PML: variants seen among roughly 807,000 people sequenced by gnomAD.
PML encodes the protein protein PML.
PML carries 28 observed loss-of-function variants against 65.2 expected under a neutral mutation model. That is an observed-to-expected ratio of 0.43 (90% CI 0.32 to 0.59). The LOEUF (loss-of-function observed/expected upper bound fraction) is 0.59. Among genes scored for constraint, PML ranks in the 20% least tolerant of loss-of-function variants. PML has a pLI of 0.08. For synonymous variants in PML, 500 were observed against 508.8 expected (o/e 0.98, Z 0.23); for missense variants, 1,021 against 1,203.4 (o/e 0.85, Z 2.24).
intron 7 of PML, among the ~76,000 whole-genome samples, chr15:74,039,138 T>C (rs2071641271): frequency 6.6e-6 from 1 of 152,056 alleles, no homozygotes; most frequent in Admixed American, 6.5e-5. Flanking sequence ...GTGGCAGAAG[T>C]GGCAGTGGTG....
chr15:74,025,705 G>A (rs995921768), intron 4 of PML: 8 of 152,266 alleles, frequency 5.3e-5, no homozygotes, highest in Admixed American at 1.3e-4. Context: ...GTGCTTTTCC[G>A]AGTGGAAATG....
At chr15:74,034,743 T>C (rs914049480) in intron 7 of PML, 12 of 1,484,688 alleles carry the variant, frequency 8.1e-6, no homozygotes, top group Non-Finnish European at 1.1e-5. Flanking sequence ...GGCCAGGAGC[T>C]CTTCTGAAAT....
At chr15:74,030,041 G>A (rs2141859027) in intron 4 of PML, among the ~76,000 whole-genome samples, 1 of 152,282 alleles carries the variant, frequency 6.6e-6, no homozygotes, top group South Asian at 2.1e-4. Context: ...CGGGGTTCTG[G>A]TACCTGGCAC....
rs368061525 is a variant in PML at position 74,043,084 on chromosome 15, C to A, written c.1806C>A (p.Asp602Glu). The A allele has an allele frequency of 3.9e-5, 63 of 1,613,414 alleles. No homozygotes were observed. The African/African-American group carries it at 7.0e-4, about 18-fold the overall frequency. ...GGGTCCTGGACGAGAACCTTGCTGA[C>A]CCCCAAGCAGAAGACAGACCTCTGG... ...TLRVLDENLA[D>E]PQAEDRPLVF... Residue 602 changes from aspartate to glutamate, a missense_variant, in exon 8 of 9, where the codon GAC (aspartate) becomes GAA (glutamate). By Grantham distance (45) the Asp-to-Glu change is conservative. Transcript: ENST00000268058. This position sits in a 1 kb window ranked among gnomAD's most constrained non-coding sequence, Gnocchi z 4.3.
chr15:74,023,474 G>A, intron 3 of PML, 66 bp downstream of exon 3: 1 of 1,256,456 alleles, frequency 8.0e-7, no homozygotes, highest in African/African-American at 1.5e-5. Context: ...AGGCGAGTCA[G>A]AAGAGATCAT....
intron 1 of PML, among the ~76,000 whole-genome samples, chr15:73,995,713 T>G (rs12912395): frequency 0.5 from 75,914 of 151,716 alleles, 19,754 homozygotes; most frequent in Non-Finnish European, 0.58. Context: ...TTGGTTTTTT[T>G]TTGTTGTTGT....
Position 74,033,396 on chromosome 15 carries a change from A to G in PML, c.1639A>G (p.Ser547Gly). 1 of 1,612,530 alleles carries G rather than the reference A, an allele frequency of 6.2e-7. No individual in the cohort carries two copies. Among genetic ancestry groups the G allele is most frequent in the South Asian group, 1.1e-5 (1 of 91,056 alleles). ...VFLPNSNHVASGAGEAEERVV... is the reference protein window; with the variant it reads ...VFLPNSNHVAGGAGEAEERVV... ...CCTGCCCAACAGCAACCACGTGGCC[A>G]GTGGCGCCGGGGAGGCAGGTAGGGA... Residue 547 changes from serine (S) to glycine (G), a missense_variant, in exon 6 of 9, where the codon AGT becomes GGT. Coordinates refer to ENST00000268058, the MANE Select transcript of PML (RefSeq NM_033238.3).
chr15:74,035,751 T>G lies in PML; in HGVS notation c.1710+1221T>G. ...CTCCATGGCTTCCCAGCTTGACATG[T>G]CTTCCGTGGTGGGGGCAGGGGAAAG... is the stretch of plus-strand genomic sequence containing the variant. On this transcript the variant is annotated intron_variant, in intron 7 of 8. Coordinates refer to ENST00000268058, the MANE Select transcript of PML (RefSeq NM_033238.3). The surrounding 1 kb of genome is among the most constrained non-coding windows in gnomAD (Gnocchi z 4.1). The G allele has an allele frequency of 6.2e-7, 1 of 1,614,162 alleles. No homozygotes were observed. Among genetic ancestry groups the G allele is most frequent in the Non-Finnish European group, 8.5e-7 (1 of 1,180,016 alleles).
At chr15:74,007,229 C>T (rs1400264628) in intron 2 of PML, among the ~76,000 whole-genome samples, 1 of 152,328 alleles carries the variant, frequency 6.6e-6, no homozygotes, top group Admixed American at 6.5e-5. Context: ...TGTTTTTAGT[C>T]ATGAGAGAAG....
chr15:74,040,272 C>T (rs368731971), intron 7 of PML, among the ~76,000 whole-genome samples: 28 of 152,304 alleles, frequency 1.8e-4, no homozygotes, highest in African/African-American at 5.5e-4. Flanking sequence ...TTTTCTTTGG[C>T]GCCTGGCATC....
chr15:74,025,238 T>G lies in PML; in HGVS notation c.1254+311T>G, dbSNP rs1163212099. On this transcript the variant is annotated intron_variant, in intron 4 of 8. Transcript: ENST00000268058. The stretch of plus-strand genomic sequence containing the variant: ...GCTGCTGCAGAGGGAATTCCAGCAT[T>G]AGATGGCATATTAGTGCCTTCCAGC... 7 of 423,568 alleles carry G rather than the reference T, an allele frequency of 1.7e-5. No homozygotes were observed. In the East Asian group the frequency reaches 2.4e-4, roughly 15 times the overall value. 26.2% of individuals were successfully genotyped at this position (423,568 alleles called of 1,614,324 possible). A position where few individuals can be genotyped will look rare whatever the true frequency, so the allele number is the denominator to read the frequency against.
rs570187329 is a variant in PML, at chr15:74,046,307, T to C, written c.*1299T>C. The C allele has an allele frequency of 8.6e-6, 2 of 233,294 alleles. No homozygotes were observed. Among genetic ancestry groups the C allele is most frequent in the South Asian group, 3.6e-4 (2 of 5,524 alleles). 14.5% of individuals were successfully genotyped at this position (233,294 alleles called of 1,614,324 possible). ...AGAGGCAGGTCAGGGTTGTCCGCTC[T>C]GATTAGCAGAACGACAGCCCCTTCC... On this transcript the variant is annotated 3_prime_UTR_variant, in exon 9 of 9. Coordinates refer to ENST00000268058, the MANE Select transcript of PML (RefSeq NM_033238.3).
rs1256614705 is a variant in PML at position 74,042,238 on chromosome 15, C to CA, written c.1711-747dup. The CA allele has an allele frequency of 2.5e-6, 1 of 402,092 alleles. No homozygotes were observed. Among genetic ancestry groups the CA allele is most frequent in the African/African-American group, 2.2e-5 (1 of 46,144 alleles). The allele number at this position is 402,092 out of a possible 1,614,324, so 24.9% of individuals were successfully genotyped here. The stretch of plus-strand genomic sequence containing the variant: ...GAGAACGCCTCACCTGAAGGACTCC[C>CA]AAAACTCAGGTTTCTCTAAGCTGCT... On this transcript the variant is annotated intron_variant, in intron 7 of 8. Coordinates refer to ENST00000268058, the MANE Select transcript of PML (RefSeq NM_033238.3). This position sits in a 1 kb window ranked among gnomAD's most constrained non-coding sequence, Gnocchi z 5.3.
intron 7 of PML, among the ~76,000 whole-genome samples, chr15:74,038,452 A>T (rs892873745): frequency 1.3e-5 from 2 of 152,196 alleles, no homozygotes; most frequent in African/African-American, 4.8e-5. Flanking sequence ...AGAGAGCCAG[A>T]GGACCGCTGC....
chr15:74,024,250 C>T (rs906858180), intron 3 of PML, among the ~76,000 whole-genome samples: 1 of 152,002 alleles, frequency 6.6e-6, no homozygotes, highest in Non-Finnish European at 1.5e-5. Context: ...GGTAGGGTGC[C>T]AGTGACAAAG....
In PML at chr15:74,046,673, T is replaced by C. The variant is rs138606035; in HGVS notation, c.*1665T>C. ...GAGGAAGGGAGACTGGGCCCACTGA[T>C]TTCCAGCCCCACCATGTGTGCTGTT... is the stretch of plus-strand genomic sequence containing the variant. On this transcript the variant is annotated 3_prime_UTR_variant, in exon 9 of 9. Transcript: ENST00000268058. The C allele has an allele frequency of 3.9e-5, 9 of 232,762 alleles. No individual in the cohort carries two copies. The highest frequency in any genetic ancestry group is 2.0e-4 in the African/African-American group (9 of 45,436). 14.4% of individuals were successfully genotyped at this position (232,762 alleles called of 1,614,324 possible).
At position 74,042,068 on chromosome 15, in the gene PML, ACT is replaced by A. The variant is rs1567140942; in HGVS notation, c.1711-918_1711-917del. Among the ~76,000 whole-genome samples, 2 of 152,126 alleles carry A rather than the reference ACT, an allele frequency of 1.3e-5. No homozygotes were observed. Among genetic ancestry groups the A allele is most frequent in the African/African-American group, 4.8e-5 (2 of 41,412 alleles). ...CAGCTGAGCAGATGATAAGCAATTA[ACT>A]CTGTATTACCATCAGAGGCTCCACC... On this transcript the variant is annotated intron_variant, in intron 7 of 8. Coordinates refer to ENST00000268058, the MANE Select transcript of PML (RefSeq NM_033238.3). This position sits in a 1 kb window ranked among gnomAD's most constrained non-coding sequence, Gnocchi z 5.3.
intron 2 of PML, among the ~76,000 whole-genome samples, chr15:74,019,700 ATAAT>A (rs890342332): frequency 6.6e-6 from 1 of 152,262 alleles, no homozygotes; most frequent in Non-Finnish European, 1.5e-5. Flanking sequence ...AATATATATC[ATAAT>A]AATACAAATA....
At chr15:74,036,774 C>T (rs1206404838) in intron 7 of PML, among the ~76,000 whole-genome samples, 5 of 152,160 alleles carry the variant, frequency 3.3e-5, no homozygotes, top group South Asian at 2.1e-4. Flanking sequence ...CCCACCTGCC[C>T]GCCACTCCTT....
Sources: gnomAD v4.1 joint callset for allele counts (sites outside exome capture counted in the v4.1 genomes callset) on GRCh38, gnomAD v4.1.1 for gene constraint, Gnocchi (gnomAD v3.1) non-coding constraint, MANE v1.5 for transcripts, NCBI Gene and HGNC (gene_info 2026-07-23, HGNC 2026-07-21) for gene names.